The following ADRA1A variants were observed in gnomAD, a reference collection of about 807,000 sequenced individuals.
ADRA1A encodes alpha-1A adrenergic receptor.
ADRA1A carries 31 observed loss-of-function variants against 29.6 expected under a neutral mutation model. That is an observed-to-expected ratio of 1.05 (90% CI 0.79 to 1.41). The LOEUF is 1.41. ADRA1A is among the 40% of genes most tolerant of loss of function. The probability of loss-of-function intolerance (pLI) is 0.00; values close to 1 mark genes in which losing one functional copy is unlikely to be tolerated. For missense variants in ADRA1A, 619 were observed against 601.1 expected, an observed-to-expected ratio of 1.03 and a Z score of -0.31; for synonymous variants, 311 against 254.3, an observed-to-expected ratio of 1.22 and a Z score of -2.12.
chr8:26,809,768 T>C (rs1017097303), intron 2 of ADRA1A, among the ~76,000 whole-genome samples: 1 of 152,242 alleles, frequency 6.6e-6, no homozygotes, highest in Middle Eastern at 3.2e-3. Flanking sequence ...TGTGGCCTTA[T>C]TGAATCTATT....
intron 2 of ADRA1A, among the ~76,000 whole-genome samples, chr8:26,779,769 G>A (rs1027699097): frequency 1.3e-5 from 2 of 152,222 alleles, no homozygotes; most frequent in African/African-American, 4.8e-5. Context: ...ATTGCATGAA[G>A]CGGGAATGGA....
rs750007964 is a variant in ADRA1A at position 26,798,626 on chromosome 8, G to A, written c.884-27960C>T. Reference sequence around the variant, plus strand: ...GGGAAGCCAAGTCATTTGACTATCAGGAGTCTAGTGAAAAATAGAACTAGA... The same window carrying A: ...GGGAAGCCAAGTCATTTGACTATCAAGAGTCTAGTGAAAAATAGAACTAGA... On this transcript the variant is annotated intron_variant, in intron 2 of 2. Coordinates refer to ENST00000380573, the MANE Select transcript of ADRA1A (RefSeq NM_000680.4). Among the ~76,000 whole-genome samples, 36 of 152,224 alleles carry A rather than the reference G, an allele frequency of 2.4e-4. No homozygotes were observed. The Middle Eastern group carries it at 0.01, about 43-fold the overall frequency.
chr8:26,762,386 C>A (rs1282413369), downstream of ADRA1A, among the ~76,000 whole-genome samples: 3 of 152,146 alleles, frequency 2.0e-5, no homozygotes, highest in Non-Finnish European at 4.4e-5. The surrounding 1 kb of genome is among the most constrained non-coding windows in gnomAD (Gnocchi z 4.0). Flanking sequence ...GCCCTGGGCT[C>A]TCTGGAAGCT....
Position 26,794,636 on chromosome 8 carries a change from T to C in ADRA1A, c.884-23970A>G, listed in dbSNP as rs573503906. 7.6e-4 allele frequency among the ~76,000 whole-genome samples: 115 copies of C among 152,270 alleles called. 1 individual carries two copies. Among genetic ancestry groups the C allele is most frequent in the Admixed American group, 2.9e-3 (45 of 15,270 alleles). ...GTCACAAAATAAATTCTTTGTTTGA[T>C]TGTTAAAAATTATTTAAAAATGAAA... On this transcript the variant is annotated intron_variant, in intron 2 of 2. Transcript: ENST00000380573.
In ADRA1A at chr8:26,801,005, C is replaced by T. The variant is rs143427923; in HGVS notation, c.884-30339G>A. The stretch of plus-strand genomic sequence containing the variant: ...TATCAATCAGTGTGATACAGCATAT[C>T]AATAGAATGAAGGACAAAAACTGTA... On this transcript the variant is annotated intron_variant, in intron 2 of 2. Transcript: ENST00000380573. Among the ~76,000 whole-genome samples, 6 of 152,130 alleles carry T rather than the reference C, an allele frequency of 3.9e-5. No individual in the cohort carries two copies. In the East Asian group the frequency reaches 1.2e-3, roughly 29 times the overall value.
At chr8:26,800,219 A>G (rs929467553) in intron 2 of ADRA1A, among the ~76,000 whole-genome samples, 3 of 152,170 alleles carry the variant, frequency 2.0e-5, no homozygotes, top group Non-Finnish European at 4.4e-5. Context: ...AGATCGTGCC[A>G]CTGCACCCTA....
intron 2 of ADRA1A, among the ~76,000 whole-genome samples, chr8:26,793,080 C>T (rs560783674): frequency 3.3e-5 from 5 of 151,790 alleles, no homozygotes; most frequent in South Asian, 2.1e-4. Context: ...TTAAACAAAG[C>T]AGACTCCATG....
At chr8:26,811,989 A>G (rs1019742765) in intron 2 of ADRA1A, among the ~76,000 whole-genome samples, 5 of 152,226 alleles carry the variant, frequency 3.3e-5, no homozygotes, top group African/African-American at 4.8e-5. Flanking sequence ...GAATAGGTAA[A>G]TATTACAAAT....
At chr8:26,861,303 G>T (rs1025841146) in intron 2 of ADRA1A, among the ~76,000 whole-genome samples, 8 of 119,704 alleles carry the variant, frequency 6.7e-5, no homozygotes, top group Non-Finnish European at 1.0e-4. Flanking sequence ...CAGAGGCTCT[G>T]TTTTTTTTTT....
At chr8:26,755,870 G>A (rs145510456), downstream of ADRA1A, among the ~76,000 whole-genome samples, 145 of 152,192 alleles carry the variant, frequency 9.5e-4, no homozygotes, top group Non-Finnish European at 1.8e-3. Context: ...CTCTTTGAAC[G>A]AAGGGGATTT....
chr8:26,867,259 A>C lies in ADRA1A; in HGVS notation c.-1010T>G. ...AGAAAAGAATAGCAAGGAACTTTGC[A>C]GCTCTCGCTGACGTAACTCAGGCAG... On this transcript the variant is annotated 5_prime_UTR_variant, in exon 1 of 3. Transcript: ENST00000380573. 1.0e-6 allele frequency: 1 copy of C among 985,488 alleles called. No individual in the cohort carries two copies. The highest frequency in any genetic ancestry group is 1.2e-6 in the Non-Finnish European group (1 of 829,960). 61.0% of individuals were successfully genotyped at this position (985,488 alleles called of 1,614,324 possible). A position where few individuals can be genotyped will look rare whatever the true frequency, so the allele number is the denominator to read the frequency against.
chr8:26,837,125 A>G (rs1811434797), intron 2 of ADRA1A, among the ~76,000 whole-genome samples: 1 of 149,972 alleles, frequency 6.7e-6, no homozygotes, highest in South Asian at 2.1e-4. Flanking sequence ...GTGCTGAGAG[A>G]TATTTGTCCT....
chr8:26,781,515 A>G (rs1236373595), intron 2 of ADRA1A, among the ~76,000 whole-genome samples: 4 of 152,256 alleles, frequency 2.6e-5, no homozygotes, highest in African/African-American at 4.8e-5. Context: ...TCTCAAATGC[A>G]GAAACAGAGC....
downstream of ADRA1A, among the ~76,000 whole-genome samples, chr8:26,767,319 A>T (rs369836477): frequency 1.3e-5 from 2 of 150,972 alleles, no homozygotes; most frequent in African/African-American, 4.9e-5. Flanking sequence ...TATGACAATC[A>T]TTTGCTAAAC....
intron 2 of ADRA1A, among the ~76,000 whole-genome samples, chr8:26,837,305 G>T (rs1811450690): frequency 6.6e-6 from 1 of 152,170 alleles, no homozygotes; most frequent in South Asian, 2.1e-4. Flanking sequence ...AAGAAGCACA[G>T]ATAGGAAGAG....
intron 2 of ADRA1A, among the ~76,000 whole-genome samples, chr8:26,794,537 G>A (rs1323893144): frequency 6.6e-6 from 1 of 152,212 alleles, no homozygotes; most frequent in Non-Finnish European, 1.5e-5. Context: ...TTAGGTAAAT[G>A]AATGTGTGTG....
chr8:26,852,933 C>G (rs1231949648), intron 2 of ADRA1A, among the ~76,000 whole-genome samples: 1 of 152,042 alleles, frequency 6.6e-6, no homozygotes, highest in East Asian at 1.9e-4. Flanking sequence ...TCCTGTGATA[C>G]AGCAACATGA....
intron 2 of ADRA1A, among the ~76,000 whole-genome samples, chr8:26,816,655 G>A (rs954431108): frequency 2.0e-5 from 3 of 152,076 alleles, no homozygotes; most frequent in South Asian, 2.1e-4. Flanking sequence ...GCACCTGTGC[G>A]GTCACACAAA....
chr8:26,863,457 T>C (rs1462320772), intron 2 of ADRA1A, among the ~76,000 whole-genome samples: 1 of 152,210 alleles, frequency 6.6e-6, no homozygotes, highest in Non-Finnish European at 1.5e-5. Context: ...ATTTACTTAT[T>C]GGAAATACTA....
Sources: gnomAD v4.1 joint callset for allele counts (sites outside exome capture counted in the v4.1 genomes callset) on GRCh38, gnomAD v4.1.1 for gene constraint, Gnocchi (gnomAD v3.1) non-coding constraint, MANE v1.5 for transcripts, NCBI Gene and HGNC (gene_info 2026-07-23, HGNC 2026-07-21) for gene names.